The following FNDC3A variants were observed in gnomAD, a reference collection of about 807,000 sequenced individuals.
The protein encoded by FNDC3A is fibronectin type III domain containing 3A, also known as fibronectin type-III domain-containing protein 3A.
Under a neutral mutation model 148.9 loss-of-function variants are expected in FNDC3A, and 32 were observed. The ratio of observed to expected loss-of-function variants is 0.21; its 90% CI spans 0.16 to 0.29. The LOEUF is 0.29. FNDC3A is among the 10% of genes least tolerant of loss of function. The pLI is 1.00. For missense variants in FNDC3A, 1,191 were observed against 1,452.8 expected (o/e 0.82, Z 2.93); for synonymous variants, 472 against 473.6 (o/e 1.00, Z 0.04).
chr13:49,085,876 CTT>C (rs111913275), intron 3 of FNDC3A, among the ~76,000 whole-genome samples: 2,770 of 134,522 alleles, frequency 0.021, 93 homozygotes, highest in African/African-American at 0.07. Context: ...CCCATCCATC[CTT>C]TTTTTTTTTT....
intron 7 of FNDC3A, among the ~76,000 whole-genome samples, chr13:49,140,735 G>A (rs1237765193): frequency 6.6e-6 from 1 of 152,168 alleles, no homozygotes; most frequent in South Asian, 2.1e-4. Flanking sequence ...GGATAGACAC[G>A]GGCTCTGCCA....
chr13:49,163,074 C>T (rs1440561019), intron 8 of FNDC3A, among the ~76,000 whole-genome samples: 53 of 152,208 alleles, frequency 3.5e-4, no homozygotes, highest in African/African-American at 4.8e-5. Flanking sequence ...CCCAGTTAGG[C>T]TACTCGGGGG....
intron 2 of FNDC3A, among the ~76,000 whole-genome samples, chr13:49,015,717 C>T (rs1389619403): frequency 6.6e-6 from 1 of 152,018 alleles, no homozygotes; most frequent in East Asian, 1.9e-4. Flanking sequence ...TTTGCCCATT[C>T]AGTATGATAT....
intron 2 of FNDC3A, among the ~76,000 whole-genome samples, chr13:49,037,428 C>T (rs990028234): frequency 1.3e-5 from 2 of 152,206 alleles, no homozygotes; most frequent in Non-Finnish European, 2.9e-5. Context: ...AGAGGATTTT[C>T]TCCTTTATTA....
Position 49,207,088 on chromosome 13 carries a change from A to G in FNDC3A, c.3290A>G (p.Lys1097Arg), listed in dbSNP as rs1488850163. 2 of 1,610,758 alleles carry G rather than the reference A, an allele frequency of 1.2e-6. No homozygotes were observed. The highest frequency in any genetic ancestry group is 1.7e-6 in the Non-Finnish European group (2 of 1,177,426). ...GKDSEFKQIY[K>R]GPDSSFRYSS... ...CTAATATTTTATTAACAGATTTACAAGGGTCCCGACTCTTCCTTCCGGTAT... is the reference window on the plus strand; with the variant it reads ...CTAATATTTTATTAACAGATTTACAGGGGTCCCGACTCTTCCTTCCGGTAT... Residue 1097 changes from lysine to arginine, a missense_variant, in exon 26 of 26, where the codon AAG becomes AGG. Lys to Arg is a conservative substitution (Grantham distance 26). Around this residue, in one of 3 missense-constraint regions of FNDC3A, gnomAD observed 751 missense variants for 944.0 expected, o/e 0.80. Coordinates refer to ENST00000492622, the MANE Select transcript of FNDC3A (RefSeq NM_001079673.2).
intron 2 of FNDC3A, among the ~76,000 whole-genome samples, chr13:49,020,593 G>A (rs1873247212): frequency 6.6e-6 from 1 of 152,186 alleles, no homozygotes; most frequent in Non-Finnish European, 1.5e-5. Context: ...CTGGTATCCT[G>A]GTGAACTACT....
chr13:48,986,767 T>A (rs192625385), intron 1 of FNDC3A, among the ~76,000 whole-genome samples: 1 of 152,160 alleles, frequency 6.6e-6, no homozygotes. Context: ...CAAGGCATAG[T>A]TGTAGATTTA....
At position 49,064,411 on chromosome 13, in the gene FNDC3A, C is replaced by CCA. The variant is rs1555286179; in HGVS notation, c.100-10878_100-10877insCA. ...GAAATATTGCCCCCCGCCCCCCCCC[C>CCA]AAAAAAAAAACAACAAGGGGTTTGT... is the stretch of plus-strand genomic sequence containing the variant. On this transcript the variant is annotated intron_variant, in intron 2 of 25. Coordinates refer to ENST00000492622, the MANE Select transcript of FNDC3A (RefSeq NM_001079673.2). Among the ~76,000 whole-genome samples, 672 of 90,036 alleles carry CCA rather than the reference C, an allele frequency of 7.5e-3. 12 individuals carry two copies. The highest frequency in any genetic ancestry group is 0.011 in the South Asian group (23 of 2,164). 59.1% of individuals were successfully genotyped at this position (90,036 alleles called of 152,430 possible).
intron 2 of FNDC3A, among the ~76,000 whole-genome samples, chr13:49,038,611 T>G (rs1874683945): frequency 6.6e-6 from 1 of 152,220 alleles, no homozygotes; most frequent in South Asian, 2.1e-4. Flanking sequence ...CCTAGCAAAT[T>G]AATATGGTAG....
At chr13:49,107,127 T>A (rs1295202073) in intron 3 of FNDC3A, among the ~76,000 whole-genome samples, 1 of 152,228 alleles carries the variant, frequency 6.6e-6, no homozygotes, top group Non-Finnish European at 1.5e-5. Flanking sequence ...AACAGTCACT[T>A]TAATGACTTG....
intron 6 of FNDC3A, 93 bp downstream of exon 6, chr13:49,136,694 A>G: frequency 7.9e-6 from 10 of 1,267,574 alleles, no homozygotes; most frequent in Admixed American, 2.0e-5. Context: ...TCATTTTGTC[A>G]TGGTCCAAAT....
In FNDC3A at chr13:49,137,489, C is replaced by T. The variant is rs550069779; in HGVS notation, c.760+888C>T. On this transcript the variant is annotated intron_variant, in intron 6 of 25. Coordinates refer to ENST00000492622, the MANE Select transcript of FNDC3A (RefSeq NM_001079673.2). ...CCTCCTGAGTAGCTGGGACTAAAGG[C>T]GCATGCCACCACGCCCAACTACTTT... Among the ~76,000 whole-genome samples the T allele has an allele frequency of 1.1e-4, 17 of 152,208 alleles. 1 individual carries two copies. The East Asian group carries it at 1.2e-3, about 10-fold the overall frequency.
chr13:49,177,085 A>G (rs984255814), intron 13 of FNDC3A, among the ~76,000 whole-genome samples: 1 of 152,216 alleles, frequency 6.6e-6, no homozygotes, highest in African/African-American at 2.4e-5. Context: ...GACTTGAGCC[A>G]CTGTGCCCAG....
chr13:49,114,705 T>C lies in FNDC3A; in HGVS notation c.226T>C (p.Tyr76His). 1 of 1,612,476 alleles carries C rather than the reference T, an allele frequency of 6.2e-7. No individual in the cohort carries two copies. ...CCCAAATGGTTCTGTGCCTCCTATC[T>C]ATGTGCCTCCTGGATATGCCCCACA... is the stretch of plus-strand genomic sequence containing the variant. ...MSPNGSVPPI[Y>H]VPPGYAPQVI... The change falls in exon 4 of 26, where the codon TAT becomes CAT. Residue 76 changes from tyrosine (Y) to histidine (H), a missense_variant. Around this residue, in one of 3 missense-constraint regions of FNDC3A, gnomAD observed 426 missense variants for 473.2 expected, o/e 0.90. Coordinates refer to ENST00000492622, the MANE Select transcript of FNDC3A (RefSeq NM_001079673.2).
chr13:49,171,422 T>C (rs1237214703), intron 10 of FNDC3A, among the ~76,000 whole-genome samples: 1 of 152,152 alleles, frequency 6.6e-6, no homozygotes, highest in East Asian at 1.9e-4. Context: ...AAAGAGGAAA[T>C]GGGCTGAAAT....
intron 3 of FNDC3A, among the ~76,000 whole-genome samples, chr13:49,104,712 T>C (rs1202736890): frequency 6.6e-6 from 1 of 152,144 alleles, no homozygotes; most frequent in Non-Finnish European, 1.5e-5. Context: ...TCCTAGGGGA[T>C]AGGGAGCAAG....
chr13:49,001,007 ATAAGAT>A (rs1225691206), intron 1 of FNDC3A, among the ~76,000 whole-genome samples: 1 of 151,664 alleles, frequency 6.6e-6, no homozygotes, highest in Non-Finnish European at 1.5e-5. Context: ...TTTTCTACCT[ATAAGAT>A]TATATTGTCT....
At position 49,063,925 on chromosome 13, in the gene FNDC3A, GAGAA is replaced by G. The variant is rs59857434; in HGVS notation, c.100-11361_100-11358del. ...AAACAAATTTTTTTATTTGAAAAAAGAGAAAGTATCTGTGTTACATGTTATGGCA... is the reference window on the plus strand; with the variant it reads ...AAACAAATTTTTTTATTTGAAAAAAGAGTATCTGTGTTACATGTTATGGCA... On this transcript the variant is annotated intron_variant, in intron 2 of 25. Coordinates refer to ENST00000492622, the MANE Select transcript of FNDC3A (RefSeq NM_001079673.2). Among the ~76,000 whole-genome samples the G allele has an allele frequency of 9.5e-3, 1,447 of 152,240 alleles. 14 individuals are homozygous for G. The highest frequency in any genetic ancestry group is 0.023 in the African/African-American group (939 of 41,538).
intron 2 of FNDC3A, among the ~76,000 whole-genome samples, chr13:49,050,324 G>A (rs1875744530): frequency 6.6e-6 from 1 of 152,144 alleles, no homozygotes; most frequent in Non-Finnish European, 1.5e-5. Context: ...TATCCCAGAG[G>A]TTTTGATAGG....
Sources: gnomAD v4.1 joint callset for allele counts (sites outside exome capture counted in the v4.1 genomes callset) on GRCh38, gnomAD v4.1.1 for gene constraint, gnomAD v4.1.1 regional missense constraint, MANE v1.5 for transcripts, NCBI Gene and HGNC (gene_info 2026-07-23, HGNC 2026-07-21) for gene names.